CWC22: variants seen among roughly 807,000 people sequenced by gnomAD.
CWC22 encodes the protein pre-mRNA-splicing factor CWC22 homolog.
CWC22 carries 53 observed loss-of-function variants against 117.2 expected under a neutral mutation model. The observed-to-expected ratio is 0.45, with a 90% CI of 0.36 to 0.57. The LOEUF (loss-of-function observed/expected upper bound fraction) is 0.57, where lower values mean the gene tolerates loss of function less well. CWC22 is among the 20% of genes least tolerant of loss of function. The probability of loss-of-function intolerance (pLI) is 0.00; values close to 1 mark genes in which losing one functional copy is unlikely to be tolerated. For synonymous variants in CWC22, 360 were observed against 355.6 expected (o/e 1.01, Z -0.14); for missense variants, 980 against 1,068.8 (o/e 0.92, Z 1.16).
rs1340617481 is a variant in CWC22 at position 179,954,996 on chromosome 2, T to C, written c.1497A>G (p.Gln499=). The change falls in exon 15 of 20, where the codon CAA becomes CAG. Residue 499 remains glutamine (Q), a synonymous_variant. Coordinates refer to ENST00000410053, the MANE Select transcript of CWC22 (RefSeq NM_020943.3). ...CAAAAAATTTTTCGTATGTCCTCTGTTGGGCACAGCAATCAAGTATCATGT... is the reference window on the plus strand; with the variant it reads ...CAAAAAATTTTTCGTATGTCCTCTGCTGGGCACAGCAATCAAGTATCATGT... ...LCNMILDCCA[Q]QRTYEKFFGL... 6.2e-7 allele frequency: 1 copy of C among 1,602,612 alleles called. No individual in the cohort carries two copies. The highest frequency in any genetic ancestry group is 8.5e-7 in the Non-Finnish European group (1 of 1,173,976).
chr2:179,979,820 G>T lies in CWC22; in HGVS notation c.453-1502C>A, dbSNP rs1687243793. ...CAAGTGGCCTGATTAATAAGATGTT[G>T]CTCATATACAATCACAACCTATCTT... On this transcript the variant is annotated intron_variant, in intron 5 of 19. Coordinates refer to ENST00000410053, the MANE Select transcript of CWC22 (RefSeq NM_020943.3). 2.0e-5 allele frequency among the ~76,000 whole-genome samples: 3 copies of T among 152,062 alleles called. No individual in the cohort carries two copies. In the South Asian group the frequency reaches 6.2e-4, roughly 32 times the overall value.
intron 5 of CWC22, among the ~76,000 whole-genome samples, chr2:179,978,782 G>A (rs1454580623): frequency 6.6e-6 from 1 of 151,950 alleles, no homozygotes; most frequent in African/African-American, 2.4e-5. Context: ...AGATGACAGA[G>A]ACAACAAAAT....
chr2:179,962,504 T>C (rs542481100), intron 13 of CWC22, among the ~76,000 whole-genome samples: 1 of 152,162 alleles, frequency 6.6e-6, no homozygotes, highest in East Asian at 1.9e-4. Flanking sequence ...TTCTATATAG[T>C]TATATAGTTT....
intron 10 of CWC22, 22 bp from the exon 11 acceptor site, chr2:179,970,585 A>T (rs1458076070): frequency 7.7e-6 from 12 of 1,553,830 alleles, no homozygotes; most frequent in Non-Finnish European, 1.0e-5. Context: ...GTAAAAGTTA[A>T]TGTTTATTTT....
At chr2:180,004,448 G>A (rs1378369950) in intron 1 of CWC22, among the ~76,000 whole-genome samples, 1 of 152,056 alleles carries the variant, frequency 6.6e-6, no homozygotes, top group African/African-American at 2.4e-5. Context: ...CTGGAGTGCA[G>A]TGGAGAGAGC....
At chr2:179,956,170 G>C (rs1686586405) in intron 14 of CWC22, among the ~76,000 whole-genome samples, 1 of 151,714 alleles carries the variant, frequency 6.6e-6, no homozygotes, top group Non-Finnish European at 1.5e-5. Context: ...AGTATTTACT[G>C]CATATGTTAA....
At chr2:179,980,321 T>C (rs1353453561) in intron 5 of CWC22, among the ~76,000 whole-genome samples, 3 of 152,234 alleles carry the variant, frequency 2.0e-5, no homozygotes, top group Non-Finnish European at 2.9e-5. Flanking sequence ...CTTATTAGTT[T>C]TGAATTTAAT....
chr2:179,988,180 T>C (rs1204991707), intron 3 of CWC22, among the ~76,000 whole-genome samples: 1 of 152,096 alleles, frequency 6.6e-6, no homozygotes, highest in Non-Finnish European at 1.5e-5. Flanking sequence ...GCTCTGGGGG[T>C]TGGGGACCCC....
intron 1 of CWC22, among the ~76,000 whole-genome samples, chr2:179,994,333 T>C (rs1047823048): frequency 6.6e-6 from 1 of 152,138 alleles, no homozygotes; most frequent in African/African-American, 2.4e-5. Context: ...AATTTGAGTG[T>C]CAGAAAGGGT....
chr2:179,983,501 T>A (rs1231055633), intron 4 of CWC22, among the ~76,000 whole-genome samples: 1 of 152,208 alleles, frequency 6.6e-6, no homozygotes, highest in African/African-American at 2.4e-5. Context: ...ATTTCCTTTA[T>A]CCAGTATATC....
At chr2:179,999,560 A>G (rs1687794813) in intron 1 of CWC22, among the ~76,000 whole-genome samples, 1 of 152,208 alleles carries the variant, frequency 6.6e-6, no homozygotes, top group South Asian at 2.1e-4. Flanking sequence ...AAAAATTAAG[A>G]AAATGAGAAA....
intron 4 of CWC22, among the ~76,000 whole-genome samples, chr2:179,984,470 A>T (rs1032921135): frequency 3.3e-5 from 5 of 152,158 alleles, no homozygotes; most frequent in African/African-American, 4.8e-5. Flanking sequence ...ATGAGAAGGA[A>T]ATTTTTGGCT....
chr2:179,945,636 ATTTG>A lies in CWC22; in HGVS notation c.2216_2219del (p.Thr739MetfsTer42). ...GTCTTCTTTCTTTTTGTTTCCTATCATTTGTTTGCTGGTTTCTGATCAATTTATC... is the reference window on the plus strand; with the variant it reads ...GTCTTCTTTCTTTTTGTTTCCTATCATTTGCTGGTTTCTGATCAATTTATC... On this transcript the variant is annotated frameshift_variant, in exon 20 of 20. Transcript: ENST00000410053. LOFTEE classifies it high-confidence loss of function. The A allele has an allele frequency of 6.2e-7, 1 of 1,611,718 alleles. No individual in the cohort carries two copies. The highest frequency in any genetic ancestry group is 8.5e-7 in the Non-Finnish European group (1 of 1,179,390).
intron 3 of CWC22, among the ~76,000 whole-genome samples, chr2:179,987,644 A>C (rs1687453425): frequency 6.6e-6 from 1 of 152,186 alleles, no homozygotes; most frequent in African/African-American, 2.4e-5. Flanking sequence ...CATGTGGAGT[A>C]AGGAAGCCTA....
chr2:180,006,043 A>G (rs1426823498), intron 1 of CWC22, among the ~76,000 whole-genome samples: 2 of 152,224 alleles, frequency 1.3e-5, no homozygotes, highest in Admixed American at 6.5e-5. Flanking sequence ...CCATAGTAGG[A>G]TGATAATTTA....
At chr2:179,988,763 A>G in intron 2 of CWC22, 119 bp from the exon 3 acceptor site, 1 of 553,904 alleles carries the variant, frequency 1.8e-6, no homozygotes, top group Admixed American at 3.7e-5. Context: ...CATTTTTTAA[A>G]TCATTAAGAA....
intron 16 of CWC22, 49 bp downstream of exon 16, chr2:179,954,156 G>A (rs750956124): frequency 3.5e-6 from 5 of 1,438,996 alleles, no homozygotes; most frequent in Non-Finnish European, 4.8e-6. Context: ...AAATCTATTT[G>A]AGAACAGGGA....
At chr2:179,988,674 C>T in intron 2 of CWC22, 30 bp from the exon 3 acceptor site, 3 of 1,241,846 alleles carry the variant, frequency 2.4e-6, no homozygotes, top group Non-Finnish European at 3.4e-6. Context: ...GAAAACATTT[C>T]AAAAATTATT....
At chr2:180,005,427 A>T (rs1425368639) in intron 1 of CWC22, among the ~76,000 whole-genome samples, 1 of 152,182 alleles carries the variant, frequency 6.6e-6, no homozygotes, top group Non-Finnish European at 1.5e-5. Flanking sequence ...AATACAAAAA[A>T]TTAGCCAGGC....
Sources: gnomAD v4.1 joint callset for allele counts (sites outside exome capture counted in the v4.1 genomes callset) on GRCh38, gnomAD v4.1.1 for gene constraint, MANE v1.5 for transcripts, NCBI Gene and HGNC (gene_info 2026-07-23, HGNC 2026-07-21) for gene names.